The following TRIO variants were observed in gnomAD, a reference collection of about 807,000 sequenced individuals.
TRIO encodes the protein triple functional domain protein.
A neutral mutation model predicts 351.9 loss-of-function variants in TRIO; 58 were observed. The ratio of observed to expected loss-of-function variants is 0.16; its 90% CI spans 0.13 to 0.21. The LOEUF is 0.21. Among genes scored for constraint, TRIO ranks in the 10% least tolerant of loss-of-function variants. TRIO has a pLI of 1.00. For synonymous variants in TRIO, 1,758 were observed against 1,595.7 expected (o/e 1.10, Z -2.42); for missense variants, 3,201 against 4,027.8 (o/e 0.79, Z 5.56).
chr5:14,305,196 G>T (rs1738252414), intron 8 of TRIO, among the ~76,000 whole-genome samples: 1 of 152,226 alleles, frequency 6.6e-6, no homozygotes, highest in Admixed American at 6.5e-5. Context: ...GACTGCGCCA[G>T]GTCAGCAGCT....
intron 34 of TRIO, among the ~76,000 whole-genome samples, chr5:14,442,351 C>A (rs936217129): frequency 3.3e-4 from 50 of 152,238 alleles, no homozygotes; most frequent in African/African-American, 1.2e-3. Context: ...GGAGAAGGGT[C>A]TTTCGGGGTG....
chr5:14,255,309 G>T (rs1044572692), intron 1 of TRIO, among the ~76,000 whole-genome samples: 2 of 152,178 alleles, frequency 1.3e-5, no homozygotes, highest in Non-Finnish European at 2.9e-5. Flanking sequence ...AGATCCACTG[G>T]CCTTGGGTTC....
At chr5:14,221,792 C>G (rs183288987) in intron 1 of TRIO, among the ~76,000 whole-genome samples, 42 of 152,308 alleles carry the variant, frequency 2.8e-4, no homozygotes, top group African/African-American at 9.9e-4. Flanking sequence ...GGTGAAGATG[C>G]TGTGAACTTG....
In TRIO at chr5:14,326,560, C is replaced by T. The variant is rs183984948; in HGVS notation, c.1732-4218C>T. 1.1e-3 allele frequency among the ~76,000 whole-genome samples: 175 copies of T among 152,312 alleles called. 3 individuals carry two copies. The highest frequency in any genetic ancestry group is 0.011 in the Admixed American group (175 of 15,298). On this transcript the variant is annotated intron_variant, in intron 9 of 56. Transcript: ENST00000344204. Reference sequence around the variant, plus strand: ...GGTGGTCTCCAGCTTTACTCTTCTGCCTCTGTGCAGAGTAGCCGTGGGAAG... The same window carrying T: ...GGTGGTCTCCAGCTTTACTCTTCTGTCTCTGTGCAGAGTAGCCGTGGGAAG...
chr5:14,507,356 C>A, intron 56 of TRIO, 96 bp downstream of exon 56: 1 of 1,537,036 alleles, frequency 6.5e-7, no homozygotes, highest in East Asian at 2.3e-5. Flanking sequence ...CAGGAGCCCC[C>A]AAGTGACTAG....
chr5:14,381,941 T>TTA (rs1746143112), intron 21 of TRIO, among the ~76,000 whole-genome samples: 1 of 152,248 alleles, frequency 6.6e-6, no homozygotes, highest in South Asian at 2.1e-4. Flanking sequence ...CAATTAAGGC[T>TTA]TATACCTGCA....
At chr5:14,424,421 GGTTC>G (rs1750467294) in intron 34 of TRIO, among the ~76,000 whole-genome samples, 1 of 152,068 alleles carries the variant, frequency 6.6e-6, no homozygotes, top group Admixed American at 6.5e-5. Context: ...GAAAAAGTAT[GGTTC>G]AGTACCTGCA....
intron 1 of TRIO, among the ~76,000 whole-genome samples, chr5:14,201,350 A>G (rs931427454): frequency 1.5e-4 from 23 of 152,356 alleles, no homozygotes; most frequent in Admixed American, 1.2e-3. Context: ...TACCTTATAT[A>G]TAAAGTACGA....
chr5:14,430,873 G>A (rs1026192727), intron 34 of TRIO, among the ~76,000 whole-genome samples: 2 of 151,984 alleles, frequency 1.3e-5, no homozygotes, highest in Non-Finnish European at 2.9e-5. Context: ...CCGCCACCCT[G>A]ACTAATTTTT....
intron 1 of TRIO, among the ~76,000 whole-genome samples, chr5:14,263,050 T>C (rs1478479774): frequency 6.6e-6 from 1 of 152,236 alleles, no homozygotes; most frequent in African/African-American, 2.4e-5. Context: ...GCTCTCTGTT[T>C]TCCAGTGTGC....
chr5:14,349,328 C>T (rs562660305), intron 11 of TRIO, among the ~76,000 whole-genome samples: 28 of 150,742 alleles, frequency 1.9e-4, no homozygotes, highest in Admixed American at 4.6e-4. Context: ...TGTGTGTGCA[C>T]GCACATGAGC....
intron 48 of TRIO, among the ~76,000 whole-genome samples, chr5:14,491,562 G>A (rs1035992450): frequency 1.4e-4 from 22 of 152,210 alleles, no homozygotes; most frequent in Admixed American, 6.5e-5. Flanking sequence ...TAGGCCACGC[G>A]CTAGATGAGA....
At chr5:14,203,570 C>A (rs1231946294) in intron 1 of TRIO, among the ~76,000 whole-genome samples, 1 of 152,144 alleles carries the variant, frequency 6.6e-6, no homozygotes, top group Non-Finnish European at 1.5e-5. Flanking sequence ...ATGGAAATGA[C>A]CTTTTTATAT....
chr5:14,278,730 A>C (rs1038890178), intron 2 of TRIO, among the ~76,000 whole-genome samples: 1 of 152,222 alleles, frequency 6.6e-6, no homozygotes, highest in Non-Finnish European at 1.5e-5. Flanking sequence ...GTTACCCTAA[A>C]AATCATATCA....
intron 34 of TRIO, among the ~76,000 whole-genome samples, chr5:14,456,045 C>T (rs925893236): frequency 2.6e-5 from 4 of 152,264 alleles, no homozygotes; most frequent in Admixed American, 2.6e-4. Flanking sequence ...AGAATTCAAG[C>T]GCGGTGCGGG....
chr5:14,390,338 T>G (rs987050101), intron 26 of TRIO, 38 bp downstream of exon 26: 2 of 1,598,882 alleles, frequency 1.3e-6, no homozygotes, highest in African/African-American at 2.7e-5. Flanking sequence ...TCCCAGCTAT[T>G]AGGTGACGTT....
chr5:14,499,713 A>AT lies in TRIO; in HGVS notation c.8332+1085dup, dbSNP rs879745821. Among the ~76,000 whole-genome samples the AT allele has an allele frequency of 1.5e-3, 215 of 147,634 alleles. 1 individual carries two copies. Among genetic ancestry groups the AT allele is most frequent in the Admixed American group, 1.5e-3 (22 of 14,794 alleles). ...AAATAACACAGAAATTACACAGGTG[A>AT]TTTTTTTTTTTTAATCACTGGCAAA... On this transcript the variant is annotated intron_variant, in intron 53 of 56. Coordinates refer to ENST00000344204, the MANE Select transcript of TRIO (RefSeq NM_007118.4).
rs539352269 is a variant in TRIO at position 14,185,169 on chromosome 5, C to T, written c.157+41287C>T. On this transcript the variant is annotated intron_variant, in intron 1 of 56. Transcript: ENST00000344204. ...CGCCCCCCTTCCCCGCCCCCCACCA[C>T]CATTCTCTCTCTCCTTTCCTTCTTG... 4.1e-5 allele frequency among the ~76,000 whole-genome samples: 6 copies of T among 146,792 alleles called. No individual in the cohort carries two copies. In the South Asian group the frequency reaches 9.1e-4, roughly 22 times the overall value.
chr5:14,394,933 T>C (rs779416167), intron 28 of TRIO, among the ~76,000 whole-genome samples: 2 of 152,188 alleles, frequency 1.3e-5, no homozygotes, highest in Non-Finnish European at 2.9e-5. Flanking sequence ...CAGCATACCA[T>C]TTTCTCAGCT....
Sources: allele counts gnomAD v4.1 joint callset (sites outside exome capture counted in the v4.1 genomes callset), GRCh38; gene constraint gnomAD v4.1.1; transcripts MANE v1.5; gene names NCBI Gene and HGNC (gene_info 2026-07-23, HGNC 2026-07-21).